The following NECTIN2 variants were observed in gnomAD, a reference collection of about 807,000 sequenced individuals.
The protein encoded by NECTIN2 is nectin-2.
A neutral mutation model predicts 56.9 loss-of-function variants in NECTIN2; 23 were observed. The ratio of observed to expected loss-of-function variants is 0.40; its 90% CI spans 0.29 to 0.57. The LOEUF is 0.57. NECTIN2 is among the 20% of genes least tolerant of loss of function. NECTIN2 has a pLI of 0.38. For synonymous variants in NECTIN2, 302 were observed against 313.8 expected (o/e 0.96, Z 0.40); for missense variants, 587 against 718.3 (o/e 0.82, Z 2.09).
chr19:44,850,706 CACAG>C (rs1207352304), intron 1 of NECTIN2, among the ~76,000 whole-genome samples: 2 of 152,138 alleles, frequency 1.3e-5, no homozygotes, highest in Non-Finnish European at 2.9e-5. Flanking sequence ...GAAATCCAGG[CACAG>C]ACAGACAGCC....
chr19:44,872,250 C>T, intron 3 of NECTIN2, 101 bp downstream of exon 3: 1 of 1,327,586 alleles, frequency 7.5e-7, no homozygotes, highest in South Asian at 1.4e-5. Flanking sequence ...ACGTGGGTTC[C>T]CTGAAGCCAA....
chr19:44,881,124 G>A (rs1045344112), intron 5 of NECTIN2, among the ~76,000 whole-genome samples: 2 of 151,482 alleles, frequency 1.3e-5, no homozygotes, highest in Admixed American at 6.6e-5. Flanking sequence ...TCTTGTGCTC[G>A]TTGCCCTGGC....
chr19:44,860,953 T>C (rs942993069), intron 1 of NECTIN2, among the ~76,000 whole-genome samples: 1 of 128,808 alleles, frequency 7.8e-6, no homozygotes, highest in Non-Finnish European at 1.8e-5. Flanking sequence ...GATAAAGCTG[T>C]TTAAAAAAAA....
intron 1 of NECTIN2, among the ~76,000 whole-genome samples, chr19:44,859,429 G>A (rs1969006681): frequency 6.6e-6 from 1 of 152,172 alleles, no homozygotes; most frequent in Non-Finnish European, 1.5e-5. Flanking sequence ...AGGTCGCAGA[G>A]CCAGGATTCA....
Position 44,886,007 on chromosome 19 carries a change from A to G in NECTIN2, c.1260+7A>G, listed in dbSNP as rs1969356913. ...GCTGGAGGCACAGGAGATGGTGAGCACTTTCCCTGGAGCCCAAGCTATCCC... is the reference window on the plus strand; with the variant it reads ...GCTGGAGGCACAGGAGATGGTGAGCGCTTTCCCTGGAGCCCAAGCTATCCC... On this transcript the variant is annotated splice_region_variant and intron_variant, in intron 7 of 8. Coordinates refer to ENST00000252483, the MANE Select transcript of NECTIN2 (RefSeq NM_001042724.2). The G allele has an allele frequency of 1.3e-6, 2 of 1,598,986 alleles. No individual in the cohort carries two copies. The highest frequency in any genetic ancestry group is 1.7e-6 in the Non-Finnish European group (2 of 1,166,392).
chr19:44,870,622 A>G (rs1045952970), intron 2 of NECTIN2, among the ~76,000 whole-genome samples: 2 of 152,066 alleles, frequency 1.3e-5, no homozygotes, highest in East Asian at 1.9e-4. Context: ...CAGTCATTCA[A>G]TCATCTAATG....
Position 44,871,924 on chromosome 19 carries a change from A to G in NECTIN2, c.550A>G (p.Ile184Val). Reference protein sequence around the residue: ...SQDPTTVALCISKEGRPPARI... With the variant: ...SQDPTTVALCVSKEGRPPARI... ...GGACCCTACGACAGTGGCCCTCTGC[A>G]TCTCCAAAGAGGGCCGCCCACCTGC... The change falls in exon 3 of 9, where the codon ATC (isoleucine) becomes GTC (valine). Residue 184 changes from isoleucine (I) to valine (V), a missense_variant. By Grantham distance (29) the Ile-to-Val change is conservative. Coordinates refer to ENST00000252483, the MANE Select transcript of NECTIN2 (RefSeq NM_001042724.2). 1 of 1,614,108 alleles carries G rather than the reference A, an allele frequency of 6.2e-7. No individual in the cohort carries two copies. The highest frequency in any genetic ancestry group is 8.5e-7 in the Non-Finnish European group (1 of 1,179,988).
intron 8 of NECTIN2, among the ~76,000 whole-genome samples, chr19:44,887,736 T>A (rs890706791): frequency 6.6e-6 from 1 of 152,246 alleles, no homozygotes; most frequent in African/African-American, 2.4e-5. Flanking sequence ...ATCAAGTCAC[T>A]CCCCTCAGTG....
chr19:44,853,817 C>G (rs1968931262), intron 1 of NECTIN2, among the ~76,000 whole-genome samples: 1 of 152,170 alleles, frequency 6.6e-6, no homozygotes, highest in Non-Finnish European at 1.5e-5. Context: ...CGTTATTCAG[C>G]AAGTACTGAG....
chr19:44,878,617 G>A, intron 5 of NECTIN2: 1 of 1,593,480 alleles, frequency 6.3e-7, no homozygotes, highest in Non-Finnish European at 8.5e-7. Context: ...CAGTTTATGT[G>A]TGACCTGGAC....
chr19:44,881,828 G>A (rs541202871), intron 5 of NECTIN2, among the ~76,000 whole-genome samples: 1 of 152,122 alleles, frequency 6.6e-6, no homozygotes, highest in African/African-American at 2.4e-5. Flanking sequence ...TAAGGTAGAG[G>A]CCCTCCCACT....
At chr19:44,848,477 C>A (rs1968862506) in intron 1 of NECTIN2, among the ~76,000 whole-genome samples, 1 of 152,144 alleles carries the variant, frequency 6.6e-6, no homozygotes, top group African/African-American at 2.4e-5. Flanking sequence ...CCATTTCCTC[C>A]CTCGTAAAAA....
intron 2 of NECTIN2, among the ~76,000 whole-genome samples, chr19:44,870,798 C>T (rs1278734522): frequency 3.3e-5 from 5 of 150,272 alleles, no homozygotes; most frequent in Non-Finnish European, 5.9e-5. Flanking sequence ...GGCACGATCT[C>T]GGCTCACTAC....
At chr19:44,850,105 C>T (rs576236888) in intron 1 of NECTIN2, among the ~76,000 whole-genome samples, 227 of 152,200 alleles carry the variant, frequency 1.5e-3, no homozygotes, top group Non-Finnish European at 2.7e-3. Context: ...GAGGCTGACG[C>T]AGGAGAATCG....
rs1380002373 is a variant in NECTIN2 at position 44,865,420 on chromosome 19, C to G, written c.238C>G (p.Gln80Glu). 1 of 1,614,170 alleles carries G rather than the reference C, an allele frequency of 6.2e-7. No individual in the cohort carries two copies. The highest frequency in any genetic ancestry group is 8.5e-7 in the Non-Finnish European group (1 of 1,180,038). The change falls in exon 2 of 9, where the codon CAG (glutamine) becomes GAG (glutamate). Residue 80 changes from glutamine (Q) to glutamate (E), a missense_variant. Coordinates refer to ENST00000252483, the MANE Select transcript of NECTIN2 (RefSeq NM_001042724.2). The surrounding 1 kb of genome is among the most constrained non-coding windows in gnomAD (Gnocchi z 5.2). ...GCGCCCAGATGCACCTGCGAACCAC[C>G]AGAATGTGGCCGCCTTCCACCCTAA... Reference protein sequence around the residue: ...WQRPDAPANHQNVAAFHPKMG... With the variant: ...WQRPDAPANHENVAAFHPKMG...
rs183610051 is a variant in NECTIN2, at chr19:44,856,688, G to A, written c.89-8583G>A. Among the ~76,000 whole-genome samples, 762 of 152,262 alleles carry A rather than the reference G, an allele frequency of 5.0e-3. 2 individuals are homozygous for A. The highest frequency in any genetic ancestry group is 9.3e-3 in the Non-Finnish European group (633 of 68,030). Reference sequence around the variant, plus strand: ...CCTTTGGGGGCCAGGCGGGTGATAAGTCCCAGCACCTGGGGAATCTGGAGG... The same window carrying A: ...CCTTTGGGGGCCAGGCGGGTGATAAATCCCAGCACCTGGGGAATCTGGAGG... On this transcript the variant is annotated intron_variant, in intron 1 of 8. Transcript: ENST00000252483.
At position 44,874,425 on chromosome 19, in the gene NECTIN2, C is replaced by T. The variant is rs770168981; in HGVS notation, c.989C>T (p.Thr330Ile). The change falls in exon 5 of 9, where the codon ACA (threonine) becomes ATA (isoleucine). Residue 330 changes from threonine (T) to isoleucine (I), a missense_variant. Coordinates refer to ENST00000252483, the MANE Select transcript of NECTIN2 (RefSeq NM_001042724.2). The surrounding 1 kb of genome is among the most constrained non-coding windows in gnomAD (Gnocchi z 6.3). Reference sequence around the variant, plus strand: ...CTGTTCAATACCACCTTCGTCTGCACAGTCACCAATGCCGTGGGCATGGGC... The same window carrying T: ...CTGTTCAATACCACCTTCGTCTGCATAGTCACCAATGCCGTGGGCATGGGC... ...DSLFNTTFVC[T>I]VTNAVGMGRA... 1 of 1,614,180 alleles carries T rather than the reference C, an allele frequency of 6.2e-7. No homozygotes were observed. The highest frequency in any genetic ancestry group is 8.5e-7 in the Non-Finnish European group (1 of 1,180,048).
At chr19:44,858,610 C>T (rs890189488) in intron 1 of NECTIN2, among the ~76,000 whole-genome samples, 1 of 151,968 alleles carries the variant, frequency 6.6e-6, no homozygotes, top group African/African-American at 2.4e-5. Context: ...AGGCATGAGC[C>T]GCAGCACCCA....
intron 3 of NECTIN2, among the ~76,000 whole-genome samples, chr19:44,872,888 TATTA>T (rs898832039): frequency 2.0e-5 from 3 of 147,930 alleles, no homozygotes; most frequent in Non-Finnish European, 4.5e-5. Flanking sequence ...TGTCATTATT[TATTA>T]TTGTTATTTA....
Sources: allele counts gnomAD v4.1 joint callset (sites outside exome capture counted in the v4.1 genomes callset), GRCh38; gene constraint gnomAD v4.1.1; non-coding constraint Gnocchi (gnomAD v3.1); transcripts MANE v1.5; gene names NCBI Gene and HGNC (gene_info 2026-07-23, HGNC 2026-07-21).